Variants in XKR4 observed in about 807,000 individuals in gnomAD.
The protein encoded by XKR4 is XK-related protein 4.
XKR4 carries 12 observed loss-of-function variants against 53.9 expected under a neutral mutation model. The observed-to-expected ratio is 0.22, with a 90% CI of 0.14 to 0.36. XKR4 has a LOEUF of 0.36. XKR4 is among the 10% of genes least tolerant of loss of function. The probability of loss-of-function intolerance (pLI) is 1.00; values close to 1 mark genes in which losing one functional copy is unlikely to be tolerated. For synonymous variants in XKR4, 354 were observed against 362.4 expected (o/e 0.98, Z 0.26); for missense variants, 799 against 859.5 (o/e 0.93, Z 0.88).
At chr8:55,164,761 T>C in intron 1 of XKR4, 1 of 232,132 alleles carries the variant, frequency 4.3e-6, no homozygotes, top group Non-Finnish European at 8.6e-6. Flanking sequence ...TTTATTCTGA[T>C]TCCTTCTAAC....
intron 2 of XKR4, among the ~76,000 whole-genome samples, chr8:55,435,052 G>A (rs1384613611): frequency 5.9e-5 from 9 of 152,166 alleles, no homozygotes; most frequent in Middle Eastern, 3.2e-3. Context: ...TGGAAACAGG[G>A]CCACTCATAC....
chr8:55,474,111 A>G (rs1380225718), intron 2 of XKR4, among the ~76,000 whole-genome samples: 3 of 151,980 alleles, frequency 2.0e-5, no homozygotes. Flanking sequence ...TGGTCTCGCT[A>G]TGTTACCCAG....
At chr8:55,314,860 T>C (rs1335136368) in intron 1 of XKR4, among the ~76,000 whole-genome samples, 1 of 152,182 alleles carries the variant, frequency 6.6e-6, no homozygotes, top group Non-Finnish European at 1.5e-5. Context: ...CCATTTCTTC[T>C]GCAGTGGCAG....
chr8:55,403,900 C>T lies in XKR4; in HGVS notation c.1006+46023C>T, dbSNP rs118148767. 5.2e-4 allele frequency among the ~76,000 whole-genome samples: 79 copies of T among 152,322 alleles called. No individual in the cohort carries two copies. The South Asian group carries it at 5.6e-3, about 11-fold the overall frequency. On this transcript the variant is annotated intron_variant, in intron 2 of 2. Transcript: ENST00000327381. The stretch of plus-strand genomic sequence containing the variant: ...ATGAGACCTGGCAAGTATCACATCC[C>T]GGAAGCTCATAGAACGCCAGGGCAC...
At chr8:55,319,120 G>A (rs1291865623) in intron 1 of XKR4, among the ~76,000 whole-genome samples, 1 of 152,030 alleles carries the variant, frequency 6.6e-6, no homozygotes, top group Non-Finnish European at 1.5e-5. Context: ...GTGACATCCT[G>A]TGAAAAAGAA....
chr8:55,103,280 C>G lies in XKR4; in HGVS notation c.792C>G (p.Leu264=). 2 of 1,607,340 alleles carry G rather than the reference C, an allele frequency of 1.2e-6. No individual in the cohort carries two copies. The highest frequency in any genetic ancestry group is 1.7e-6 in the Non-Finnish European group (2 of 1,175,370). Residue 264 remains leucine, a synonymous_variant, in exon 1 of 3, where the codon CTC becomes CTG. Transcript: ENST00000327381. ...LLQSLIHILQ[L]GQIWRYFHTI... ...AGTCACTCATCCACATCTTGCAGCTCGGGCAAATCTGGAGGTACTGTAATG... is the reference window on the plus strand; with the variant it reads ...AGTCACTCATCCACATCTTGCAGCTGGGGCAAATCTGGAGGTACTGTAATG...
rs1484882697 is a variant in XKR4, at chr8:55,423,674, TTAGACTA to T, written c.1006+65800_1006+65806del. ...CTTGCTGACTAGAACAATTTCTTCA[TTAGACTA>T]TAAACTCCATGATGTCTGGGCATTT... On this transcript the variant is annotated intron_variant, in intron 2 of 2. Coordinates refer to ENST00000327381, the MANE Select transcript of XKR4 (RefSeq NM_052898.2). Among the ~76,000 whole-genome samples, 4 of 152,242 alleles carry T rather than the reference TTAGACTA, an allele frequency of 2.6e-5. No homozygotes were observed. The East Asian group carries it at 7.7e-4, about 29-fold the overall frequency.
intron 1 of XKR4, among the ~76,000 whole-genome samples, chr8:55,143,511 A>G (rs1816733358): frequency 6.6e-6 from 1 of 152,228 alleles, no homozygotes; most frequent in Non-Finnish European, 1.5e-5. Context: ...ATTTTCCCCA[A>G]AAGAGCCAAC....
At chr8:55,340,371 A>G (rs570785741) in intron 1 of XKR4, among the ~76,000 whole-genome samples, 87 of 152,338 alleles carry the variant, frequency 5.7e-4, no homozygotes, top group African/African-American at 1.8e-3. Flanking sequence ...TTAAGTTTCA[A>G]TTAATGAATT....
intron 2 of XKR4, among the ~76,000 whole-genome samples, chr8:55,417,340 A>G (rs1317004621): frequency 6.6e-6 from 1 of 152,228 alleles, no homozygotes; most frequent in East Asian, 1.9e-4. Context: ...TGCTGTCTAA[A>G]TGGCCAAGCA....
chr8:55,181,164 G>A (rs914153392), intron 1 of XKR4, among the ~76,000 whole-genome samples: 1 of 152,164 alleles, frequency 6.6e-6, no homozygotes, highest in African/African-American at 2.4e-5. Flanking sequence ...GGTTTCTGAT[G>A]TTGTTTTGGT....
At chr8:55,237,962 AAGAG>A (rs754496701) in intron 1 of XKR4, among the ~76,000 whole-genome samples, 2 of 152,070 alleles carry the variant, frequency 1.3e-5, no homozygotes, top group Admixed American at 6.5e-5. Flanking sequence ...AAGAGACAGA[AAGAG>A]AGAGAAAGAA....
At chr8:55,390,845 A>G (rs1178166378) in intron 2 of XKR4, among the ~76,000 whole-genome samples, 1 of 152,186 alleles carries the variant, frequency 6.6e-6, no homozygotes, top group Non-Finnish European at 1.5e-5. Context: ...AGAGACCCAG[A>G]ATATAGTTTT....
chr8:55,434,632 CAAT>C (rs904037215), intron 2 of XKR4, among the ~76,000 whole-genome samples: 2 of 152,146 alleles, frequency 1.3e-5, no homozygotes, highest in African/African-American at 4.8e-5. Context: ...ATTTATCATA[CAAT>C]GTTTGCAAAC....
At position 55,536,188 on chromosome 8, in the gene XKR4, C is replaced by A. The variant is rs1366006080; in HGVS notation, c.*11961C>A. The A allele has an allele frequency of 6.6e-6, 1 of 152,152 alleles. No homozygotes were observed. The highest frequency in any genetic ancestry group is 1.5e-5 in the Non-Finnish European group (1 of 68,026). The allele number at this position is 152,152 out of a possible 1,614,324, so 9.4% of individuals were successfully genotyped here. Reference sequence around the variant, plus strand: ...GTCACCTAGTCTGTGTATCTGTTCCCAAACTGGAAAAAATAATTCTTGAGA... The same window carrying A: ...GTCACCTAGTCTGTGTATCTGTTCCAAAACTGGAAAAAATAATTCTTGAGA... On this transcript the variant is annotated 3_prime_UTR_variant, in exon 3 of 3. Coordinates refer to ENST00000327381, the MANE Select transcript of XKR4 (RefSeq NM_052898.2).
At chr8:55,355,129 C>T (rs1803779737) in intron 1 of XKR4, among the ~76,000 whole-genome samples, 1 of 151,858 alleles carries the variant, frequency 6.6e-6, no homozygotes, top group Non-Finnish European at 1.5e-5. Flanking sequence ...GTCTTGAACT[C>T]CTGACCTCAG....
At chr8:55,423,081 G>A (rs888784595) in intron 2 of XKR4, among the ~76,000 whole-genome samples, 3 of 151,048 alleles carry the variant, frequency 2.0e-5, no homozygotes, top group African/African-American at 2.5e-5. Flanking sequence ...GAAAGTTATC[G>A]TAAAGCCAAA....
rs116859122 is a variant in XKR4 at position 55,276,282 on chromosome 8, C to T, written c.807-81396C>T. ...CAGTAGAAAGCTGAAGGGACTTTCA[C>T]CCAGAGAAACAAAGCTGCTCAGCAA... On this transcript the variant is annotated intron_variant, in intron 1 of 2. Coordinates refer to ENST00000327381, the MANE Select transcript of XKR4 (RefSeq NM_052898.2). Among the ~76,000 whole-genome samples the T allele has an allele frequency of 9.6e-3, 1,465 of 152,266 alleles. 19 individuals carry two copies. Among genetic ancestry groups the T allele is most frequent in the Middle Eastern group, 0.031 (9 of 294 alleles).
chr8:55,328,505 T>G (rs1438535370), intron 1 of XKR4, among the ~76,000 whole-genome samples: 2 of 152,194 alleles, frequency 1.3e-5, no homozygotes, highest in Non-Finnish European at 2.9e-5. Flanking sequence ...CTGAAGGCCT[T>G]CAGCCCATCT....
Sources: allele counts gnomAD v4.1 joint callset (sites outside exome capture counted in the v4.1 genomes callset), GRCh38; gene constraint gnomAD v4.1.1; transcripts MANE v1.5; gene names NCBI Gene and HGNC (gene_info 2026-07-23, HGNC 2026-07-21).